SCN3A: variants seen among roughly 807,000 people sequenced by gnomAD.
SCN3A encodes sodium channel protein type 3 subunit alpha.
Under a neutral mutation model 187.6 loss-of-function variants are expected in SCN3A, and 60 were observed. The observed-to-expected ratio is 0.32, with a 90% CI of 0.26 to 0.40. The LOEUF (loss-of-function observed/expected upper bound fraction) is 0.40, where lower values mean the gene tolerates loss of function less well. SCN3A is among the 10% of genes least tolerant of loss of function. SCN3A has a pLI of 1.00. For missense variants in SCN3A, 1,601 were observed against 2,428.2 expected, an observed-to-expected ratio of 0.66 and a Z score of 7.16; for synonymous variants, 788 against 829.2, an observed-to-expected ratio of 0.95 and a Z score of 0.85.
intron 21 of SCN3A, among the ~76,000 whole-genome samples, chr2:165,106,924 G>T (rs983691654): frequency 3.3e-5 from 5 of 152,174 alleles, no homozygotes; most frequent in African/African-American, 1.2e-4. Context: ...GTGCTGAAGA[G>T]GAGGGGCGAG....
rs1321028053 is a variant in SCN3A at position 165,163,712 on chromosome 2, G to A, written c.603-3C>T. On this transcript the variant is annotated splice_region_variant and splice_polypyrimidine_tract_variant and intron_variant, in intron 6 of 27. Transcript: ENST00000283254. Reference sequence around the variant, plus strand: ...GGTCCACAAACTCTGTCACATATCTGTAATAGGGGAGTTCACACACAAACA... The same window carrying A: ...GGTCCACAAACTCTGTCACATATCTATAATAGGGGAGTTCACACACAAACA... 1 of 1,613,996 alleles carries A rather than the reference G, an allele frequency of 6.2e-7. No homozygotes were observed. Among genetic ancestry groups the A allele is most frequent in the Non-Finnish European group, 8.5e-7 (1 of 1,179,952 alleles).
At position 165,154,634 on chromosome 2, in the gene SCN3A, A is replaced by G. The variant is rs1688905184; in HGVS notation, c.1198T>C (p.Tyr400His). The G allele has an allele frequency of 6.2e-7, 1 of 1,614,094 alleles. No individual in the cohort carries two copies. The highest frequency in any genetic ancestry group is 8.5e-7 in the Non-Finnish European group (1 of 1,179,950). ...ATGACCAGGACAAAAAATATCATGT[A>G]TGTTTTCCCAGCAGCACGTAATGTC... ...QLTLRAAGKT[Y>H]MIFFVLVIFL... is the part of the protein sequence containing the mutation. Residue 400 changes from tyrosine to histidine, a missense_variant, in exon 11 of 28, where the codon TAC becomes CAC. Transcript: ENST00000283254.
rs546312201 is a variant in SCN3A at position 165,097,752 on chromosome 2, G to T, written c.3967-228C>A. 1,482 of 578,728 alleles carry T rather than the reference G, an allele frequency of 2.6e-3. 1 individual carries two copies. Among genetic ancestry groups the T allele is most frequent in the Non-Finnish European group, 3.9e-3 (1,293 of 329,898 alleles). 35.8% of individuals were successfully genotyped at this position (578,728 alleles called of 1,614,324 possible). On this transcript the variant is annotated intron_variant, in intron 22 of 27. Coordinates refer to ENST00000283254, the MANE Select transcript of SCN3A (RefSeq NM_006922.4). ...AGCAAAATATGCTACAGTATGAAAAGAAATCATTAAAAACCTGGTATAGTA... is the reference window on the plus strand; with the variant it reads ...AGCAAAATATGCTACAGTATGAAAATAAATCATTAAAAACCTGGTATAGTA...
At chr2:165,175,863 A>G (rs1485566406) in intron 3 of SCN3A, among the ~76,000 whole-genome samples, 2 of 152,162 alleles carry the variant, frequency 1.3e-5, no homozygotes, top group Non-Finnish European at 1.5e-5. Flanking sequence ...CTTTGTTGAT[A>G]TTAATTTTAA....
intron 2 of SCN3A, among the ~76,000 whole-genome samples, chr2:165,181,281 A>G (rs959111060): frequency 6.6e-6 from 1 of 152,186 alleles, no homozygotes. Context: ...TCCTTCTTTA[A>G]TATCACGTCA....
intron 23 of SCN3A, 72 bp downstream of exon 23, chr2:165,097,180 A>G: frequency 6.4e-7 from 1 of 1,570,616 alleles, no homozygotes; most frequent in Non-Finnish European, 8.7e-7. Flanking sequence ...ATTCAAACGA[A>G]GAACATCAGG....
At chr2:165,155,952 T>C in intron 9 of SCN3A, 49 bp from the exon 10 acceptor site, 2 of 1,607,630 alleles carry the variant, frequency 1.2e-6, no homozygotes, top group East Asian at 2.2e-5. Context: ...ATTACAGCAA[T>C]TTCAATTTAT....
At chr2:165,093,832 TGA>T (rs1247888528) in intron 26 of SCN3A, 1 of 153,048 alleles carries the variant, frequency 6.5e-6, no homozygotes, top group African/African-American at 2.4e-5. Context: ...AGAAAATAGC[TGA>T]GTTAGAGTCC....
chr2:165,090,020 G>A lies in SCN3A; in HGVS notation c.*130C>T. ...AGAGGTCACTTCACTGTCTTGTATA[G>A]GCACTGACTATGAGTATTTGTTAAA... On this transcript the variant is annotated 3_prime_UTR_variant, in exon 28 of 28. Transcript: ENST00000283254. The surrounding 1 kb of genome is among the most constrained non-coding windows in gnomAD (Gnocchi z 4.0). 1 of 1,286,626 alleles carries A rather than the reference G, an allele frequency of 7.8e-7. No individual in the cohort carries two copies. The highest frequency in any genetic ancestry group is 1.1e-6 in the Non-Finnish European group (1 of 934,480). 79.7% of individuals were successfully genotyped at this position (1,286,626 alleles called of 1,614,324 possible). A position where few individuals can be genotyped will look rare whatever the true frequency, so the allele number is the denominator to read the frequency against.
At chr2:165,127,565 A>G in intron 18 of SCN3A, 66 bp downstream of exon 18, 1 of 1,274,054 alleles carries the variant, frequency 7.8e-7, no homozygotes, top group South Asian at 1.2e-5. Context: ...CACAATGAAA[A>G]TAGTAAATAA....
chr2:165,092,629 C>A lies in SCN3A; in HGVS notation c.4537-105G>T. The A allele has an allele frequency of 3.8e-6, 4 of 1,040,292 alleles. No homozygotes were observed. Among genetic ancestry groups the A allele is most frequent in the Non-Finnish European group, 5.7e-6 (4 of 698,394 alleles). 64.4% of individuals were successfully genotyped at this position (1,040,292 alleles called of 1,614,324 possible). Reference sequence around the variant, plus strand: ...TTCCACATACGGGATGGATGTGCACCCTCCTCATATTACCCCAAACAATTT... The same window carrying A: ...TTCCACATACGGGATGGATGTGCACACTCCTCATATTACCCCAAACAATTT... On this transcript the variant is annotated intron_variant, in intron 26 of 27. Transcript: ENST00000283254. The surrounding 1 kb of genome is among the most constrained non-coding windows in gnomAD (Gnocchi z 4.2).
At chr2:165,105,014 A>G (rs1192553174) in intron 21 of SCN3A, among the ~76,000 whole-genome samples, 1 of 152,204 alleles carries the variant, frequency 6.6e-6, no homozygotes, top group Non-Finnish European at 1.5e-5. Context: ...GCAGAAACCC[A>G]GGTGCCTGCA....
intron 19 of SCN3A, 95 bp downstream of exon 19, chr2:165,115,360 C>T (rs757811754): frequency 2.8e-5 from 44 of 1,546,676 alleles, no homozygotes; most frequent in Non-Finnish European, 3.9e-5. Flanking sequence ...AGCCACCACA[C>T]CTCGTTTCAT....
intron 24 of SCN3A, 92 bp from the exon 25 acceptor site, chr2:165,095,740 G>C (rs1685335275): frequency 4.1e-6 from 3 of 733,680 alleles, no homozygotes; most frequent in Non-Finnish European, 6.6e-6. Context: ...ACTTAATACA[G>C]TGCTACTTTT....
At chr2:165,102,008 A>T (rs1424189460) in intron 21 of SCN3A, among the ~76,000 whole-genome samples, 9 of 152,226 alleles carry the variant, frequency 5.9e-5, no homozygotes, top group Non-Finnish European at 1.3e-4. Context: ...GACTGGAAAG[A>T]TTGGAAAGGT....
intron 1 of SCN3A, among the ~76,000 whole-genome samples, chr2:165,190,784 G>A (rs563234269): frequency 2.8e-4 from 42 of 151,456 alleles, no homozygotes; most frequent in African/African-American, 8.0e-4. Flanking sequence ...TAAATATTAA[G>A]AAATGAACTT....
chr2:165,098,992 A>G (rs542260434), intron 22 of SCN3A, among the ~76,000 whole-genome samples: 1 of 152,356 alleles, frequency 6.6e-6, no homozygotes, highest in African/African-American at 2.4e-5. Context: ...TATGAATTTT[A>G]TCTTGTCTAA....
At position 165,107,687 on chromosome 2, in the gene SCN3A, C is replaced by T. The variant is rs11685106; in HGVS notation, c.3843+5198G>A. The stretch of plus-strand genomic sequence containing the variant: ...GTTCAGCACAATATGCCAAATAGAT[C>T]TGTGCCCTATTGTAAAATATGGATC... On this transcript the variant is annotated intron_variant, in intron 21 of 27. Coordinates refer to ENST00000283254, the MANE Select transcript of SCN3A (RefSeq NM_006922.4). 5.2e-3 allele frequency among the ~76,000 whole-genome samples: 793 copies of T among 152,298 alleles called. 6 individuals are homozygous for T. Among genetic ancestry groups the T allele is most frequent in the South Asian group, 0.014 (69 of 4,830 alleles).
chr2:165,183,793 A>C (rs1306219301), intron 2 of SCN3A, among the ~76,000 whole-genome samples: 2 of 152,190 alleles, frequency 1.3e-5, no homozygotes, highest in Non-Finnish European at 2.9e-5. Context: ...CCATGGAAAC[A>C]AGATTGTGTC....
Sources: allele counts gnomAD v4.1 joint callset (sites outside exome capture counted in the v4.1 genomes callset), GRCh38; gene constraint gnomAD v4.1.1; non-coding constraint Gnocchi (gnomAD v3.1); transcripts MANE v1.5; gene names NCBI Gene and HGNC (gene_info 2026-07-23, HGNC 2026-07-21).